The following ARMC8 variants were observed in gnomAD, a reference collection of about 807,000 sequenced individuals.
ARMC8 encodes armadillo repeat-containing protein 8.
In ARMC8, 20 loss-of-function variants were observed where a neutral mutation model predicts 99.3. The observed-to-expected ratio is 0.20, with a 90% CI of 0.14 to 0.29. ARMC8 has a LOEUF of 0.29. ARMC8 is among the 10% of genes least tolerant of loss of function. The pLI, the probability that ARMC8 is intolerant of heterozygous loss-of-function variation, is 1.00. For synonymous variants in ARMC8, 263 were observed against 278.3 expected (o/e 0.95, Z 0.55); for missense variants, 569 against 809.5 (o/e 0.70, Z 3.60).
chr3:138,223,868 A>T (rs1175008620), intron 5 of ARMC8, 135 bp downstream of exon 5: 2 of 715,710 alleles, frequency 2.8e-6, no homozygotes, highest in East Asian at 5.5e-5. Flanking sequence ...TCACACCAGT[A>T]ATCCCAGTGC....
At chr3:138,235,272 TAAA>T (rs35705979) in intron 7 of ARMC8, among the ~76,000 whole-genome samples, 158 bp downstream of exon 7, 5 of 139,496 alleles carry the variant, frequency 3.6e-5, no homozygotes, top group Non-Finnish European at 4.7e-5. Flanking sequence ...GAATGCTCTT[TAAA>T]AAAAAAAAAA....
At chr3:138,257,109 G>T (rs1216620520) in intron 12 of ARMC8, among the ~76,000 whole-genome samples, 1 of 152,208 alleles carries the variant, frequency 6.6e-6, no homozygotes, top group Non-Finnish European at 1.5e-5. Context: ...GCACAAATGT[G>T]TTTAGTTCTG....
rs562461439 is a variant in ARMC8, at chr3:138,256,979, T to C, written c.1135-6760T>C. ...TGGGAAATGGGGAAGGATGCTCTGC[T>C]GCAGTTTGCCTGAAGAAACTGGACC... On this transcript the variant is annotated intron_variant, in intron 12 of 21. Transcript: ENST00000469044. Among the ~76,000 whole-genome samples the C allele has an allele frequency of 3.9e-5, 6 of 152,344 alleles. No individual in the cohort carries two copies. The South Asian group carries it at 1.2e-3, about 32-fold the overall frequency.
chr3:138,213,574 C>T (rs1405538109), intron 2 of ARMC8, among the ~76,000 whole-genome samples: 1 of 151,996 alleles, frequency 6.6e-6, no homozygotes, highest in Non-Finnish European at 1.5e-5. Context: ...GCGTAGCCTT[C>T]GCAACTACAA....
At position 138,187,507 on chromosome 3, in the gene ARMC8, G is replaced by A; in HGVS notation, c.-48G>A. 6.5e-7 allele frequency: 1 copy of A among 1,534,292 alleles called. No homozygotes were observed. Among genetic ancestry groups the A allele is most frequent in the East Asian group, 2.4e-5 (1 of 40,862 alleles). ...TGGCCAATAGTTGGCTGTCGAAAGT[G>A]CCGGCCCCCGCGCCGGCGCCTGCAG... On this transcript the variant is annotated 5_prime_UTR_variant, in exon 1 of 22. Coordinates refer to ENST00000469044, the MANE Select transcript of ARMC8 (RefSeq NM_001363941.2).
At chr3:138,227,429 C>T (rs914491063) in intron 5 of ARMC8, among the ~76,000 whole-genome samples, 3 of 152,218 alleles carry the variant, frequency 2.0e-5, no homozygotes, top group African/African-American at 7.2e-5. Context: ...CCCATTTCCC[C>T]TTCCCCGACT....
chr3:138,274,984 C>T (rs2049137674), intron 18 of ARMC8, among the ~76,000 whole-genome samples: 1 of 152,188 alleles, frequency 6.6e-6, no homozygotes, highest in African/African-American at 2.4e-5. Context: ...TTCTCTTAGG[C>T]ATCTTATTCC....
At chr3:138,263,652 A>T (rs2047977775) in intron 12 of ARMC8, 87 bp from the exon 13 acceptor site, 18 of 1,155,998 alleles carry the variant, frequency 1.6e-5, no homozygotes, top group Non-Finnish European at 2.4e-5. Context: ...TTAAACTTTT[A>T]ATGGATGTTA....
rs1219566911 is a variant in ARMC8 at position 138,241,774 on chromosome 3, A to G, written c.838-9A>G. 1.9e-6 allele frequency: 3 copies of G among 1,613,422 alleles called. No individual in the cohort carries two copies. The highest frequency in any genetic ancestry group is 1.7e-5 in the Admixed American group (1 of 60,030). On this transcript the variant is annotated splice_polypyrimidine_tract_variant and intron_variant, in intron 10 of 21. Coordinates refer to ENST00000469044, the MANE Select transcript of ARMC8 (RefSeq NM_001363941.2). ...CAAAAAGCAAATAATTAATCTCACTACCTTTCAGACATTACCTTGTTTGGT... is the reference window on the plus strand; with the variant it reads ...CAAAAAGCAAATAATTAATCTCACTGCCTTTCAGACATTACCTTGTTTGGT...
At chr3:138,265,221 T>A (rs888550994) in intron 14 of ARMC8, among the ~76,000 whole-genome samples, 1 of 152,068 alleles carries the variant, frequency 6.6e-6, no homozygotes, top group Non-Finnish European at 1.5e-5. Flanking sequence ...TAACATAACA[T>A]TTTTGGTGTT....
intron 2 of ARMC8, among the ~76,000 whole-genome samples, chr3:138,215,872 T>G (rs1338975271): frequency 2.0e-5 from 3 of 151,780 alleles, no homozygotes; most frequent in Non-Finnish European, 4.4e-5. Flanking sequence ...ATTTATTGTT[T>G]TTTTTTGAGA....
intron 15 of ARMC8, among the ~76,000 whole-genome samples, chr3:138,268,446 G>C (rs184451077): frequency 6.6e-6 from 1 of 152,118 alleles, no homozygotes; most frequent in Non-Finnish European, 1.5e-5. Context: ...GTGTACCACC[G>C]TTAATCATCC....
intron 1 of ARMC8, among the ~76,000 whole-genome samples, chr3:138,203,427 C>T (rs2044188681): frequency 6.6e-6 from 1 of 152,204 alleles, no homozygotes; most frequent in African/African-American, 2.4e-5. Flanking sequence ...GCAGGAGTCA[C>T]AGTGTCATCT....
intron 15 of ARMC8, among the ~76,000 whole-genome samples, chr3:138,267,639 G>A (rs377541526): frequency 6.6e-6 from 1 of 152,116 alleles, no homozygotes; most frequent in African/African-American, 2.4e-5. Context: ...TGCTGTCATT[G>A]GAAAATCATC....
chr3:138,290,496 A>G, intron 20 of ARMC8, 50 bp from the exon 21 acceptor site: 2 of 1,332,950 alleles, frequency 1.5e-6, no homozygotes, highest in Non-Finnish European at 2.1e-6. Flanking sequence ...TACATCAAAG[A>G]GAGCATTTGC....
At chr3:138,202,083 C>T (rs1055060654) in intron 1 of ARMC8, among the ~76,000 whole-genome samples, 3 of 152,106 alleles carry the variant, frequency 2.0e-5, no homozygotes, top group African/African-American at 4.8e-5. Context: ...GTTCAAACTT[C>T]CTATTTTTGT....
At chr3:138,229,035 T>C (rs778113108) in intron 6 of ARMC8, 25 bp downstream of exon 6, 7 of 1,547,012 alleles carry the variant, frequency 4.5e-6, no homozygotes, top group Non-Finnish European at 6.2e-6. Flanking sequence ...AAATGTTATC[T>C]ATAATGTAAA....
rs564020842 is a variant in ARMC8, at chr3:138,207,997, C to T, written c.46-1820C>T. 1.5e-3 allele frequency among the ~76,000 whole-genome samples: 228 copies of T among 152,032 alleles called. 1 individual carries two copies. Among genetic ancestry groups the T allele is most frequent in the African/African-American group, 5.2e-3 (215 of 41,458 alleles). On this transcript the variant is annotated intron_variant, in intron 1 of 21. Transcript: ENST00000469044. ...AGCATTTGAGCTGGATGTAGTGGCA[C>T]ATACCTGTAGTCAAGTTACTTGGGA...
chr3:138,220,381 A>G (rs2045325607), intron 2 of ARMC8, among the ~76,000 whole-genome samples: 1 of 152,222 alleles, frequency 6.6e-6, no homozygotes, highest in South Asian at 2.1e-4. Flanking sequence ...TAAACCATAT[A>G]GAAGATCTGA....
Sources: gnomAD v4.1 joint callset for allele counts (sites outside exome capture counted in the v4.1 genomes callset) on GRCh38, gnomAD v4.1.1 for gene constraint, MANE v1.5 for transcripts, NCBI Gene and HGNC (gene_info 2026-07-23, HGNC 2026-07-21) for gene names.